Variants in MLN observed in about 807,000 individuals in gnomAD.
The protein encoded by MLN is motilin, also known as promotilin.
In MLN, 14 loss-of-function variants were observed where a neutral mutation model predicts 13.3. The observed-to-expected ratio is 1.05, with a 90% confidence interval of 0.69 to 1.64. The LOEUF is 1.64. Ranked by LOEUF, MLN falls within the 40% of genes most tolerant of loss-of-function variation. The pLI is 0.00. For missense variants in MLN, 122 were observed against 142.9 expected, an observed-to-expected ratio of 0.85 and a Z score of 0.75; for synonymous variants, 59 against 54.7, an observed-to-expected ratio of 1.08 and a Z score of -0.34.
rs942205350 is a variant in MLN, at chr6:33,799,310, G to A, written c.118-89C>T. On this transcript the variant is annotated intron_variant, in intron 2 of 4. Coordinates refer to ENST00000430124, the MANE Select transcript of MLN (RefSeq NM_002418.3). This position sits in a 1 kb window ranked among gnomAD's most constrained non-coding sequence, Gnocchi z 4.6. The stretch of plus-strand genomic sequence containing the variant: ...CCTGTCTCCATCTGCCCAGGGTGCT[G>A]TCTGCCCTGAGCTCCCTACAGACTG... 1.1e-6 allele frequency: 1 copy of A among 902,708 alleles called. No homozygotes were observed. Among genetic ancestry groups the A allele is most frequent in the African/African-American group, 1.6e-5 (1 of 60,618 alleles). The allele number at this position is 902,708 out of a possible 1,614,324, so 55.9% of individuals were successfully genotyped here. A position where few individuals can be genotyped will look rare whatever the true frequency, so the allele number is the denominator to read the frequency against.
Position 33,799,161 on chromosome 6 carries a change from C to G in MLN, c.178G>C (p.Glu60Gln). Residue 60 changes from glutamate (E) to glutamine (Q), a missense_variant, in exon 3 of 5, where the codon GAA becomes CAA. Glu to Gln is a conservative substitution (Grantham distance 29). Coordinates refer to ENST00000430124, the MANE Select transcript of MLN (RefSeq NM_002418.3). The surrounding 1 kb of genome is among the most constrained non-coding windows in gnomAD (Gnocchi z 4.6). ...GGCTCCGCAGGGTCTACAGGACCTTCCTCCCCAGACCTCTGCCATACACTC... is the reference window on the plus strand; with the variant it reads ...GGCTCCGCAGGGTCTACAGGACCTTGCTCCCCAGACCTCTGCCATACACTC... ...SLSVWQRSGEEGPVDPAEPIR... is the reference protein window; with the variant it reads ...SLSVWQRSGEQGPVDPAEPIR... 8 of 1,613,076 alleles carry G rather than the reference C, an allele frequency of 5.0e-6. No individual in the cohort carries two copies. Among genetic ancestry groups the G allele is most frequent in the Non-Finnish European group, 6.8e-6 (8 of 1,179,272 alleles).
chr6:33,796,944 G>A (rs1321306625), intron 3 of MLN, among the ~76,000 whole-genome samples: 1 of 152,226 alleles, frequency 6.6e-6, no homozygotes, highest in Non-Finnish European at 1.5e-5. Flanking sequence ...GCTGCATTTA[G>A]GAGGTGATTC....
chr6:33,795,491 C>T lies in MLN; in HGVS notation c.337+12G>A. 6.4e-7 allele frequency: 1 copy of T among 1,552,538 alleles called. No individual in the cohort carries two copies. Among genetic ancestry groups the T allele is most frequent in the African/African-American group, 1.4e-5 (1 of 73,576 alleles). On this transcript the variant is annotated intron_variant, in intron 4 of 4. Coordinates refer to ENST00000430124, the MANE Select transcript of MLN (RefSeq NM_002418.3). Reference sequence around the variant, plus strand: ...GCCGGCCAAGCCACAGAGATGCCCGCCCTCCCCGTACCATGCTGGGGAAGC... The same window carrying T: ...GCCGGCCAAGCCACAGAGATGCCCGTCCTCCCCGTACCATGCTGGGGAAGC...
intron 4 of MLN, among the ~76,000 whole-genome samples, 188 bp from the exon 5 acceptor site, chr6:33,795,023 T>C (rs1767876536): frequency 6.6e-6 from 1 of 152,172 alleles, no homozygotes; most frequent in Non-Finnish European, 1.5e-5. Flanking sequence ...CCTCCCAGTT[T>C]CTCCATCACT....
intron 1 of MLN, among the ~76,000 whole-genome samples, chr6:33,802,522 A>G (rs1760866064): frequency 6.6e-6 from 1 of 152,054 alleles, no homozygotes; most frequent in Non-Finnish European, 1.5e-5. Context: ...CTCAGCCAAG[A>G]CCTGTCTCCT....
At chr6:33,801,914 G>A (rs996938245) in intron 1 of MLN, among the ~76,000 whole-genome samples, 4 of 152,246 alleles carry the variant, frequency 2.6e-5, no homozygotes, top group Non-Finnish European at 4.4e-5. Flanking sequence ...GCAGGTATGT[G>A]TGGAATGGCT....
chr6:33,801,872 C>T (rs1223818192), intron 1 of MLN, among the ~76,000 whole-genome samples: 8 of 152,256 alleles, frequency 5.3e-5, no homozygotes, highest in Admixed American at 5.2e-4. Flanking sequence ...TCTTTCCTCA[C>T]ACCCTGGAAC....
chr6:33,795,549 G>A lies in MLN; in HGVS notation c.291C>T (p.Tyr97=), dbSNP rs1767894617. Residue 97 remains tyrosine, a synonymous_variant, in exon 4 of 5, where the codon TAC becomes TAT. Transcript: ENST00000430124. ...TCAGCAGCCCTTCCAGGGTGGCCGGGTACTTTTCCAGCTGTCTGGAGTTCA... is the reference window on the plus strand; with the variant it reads ...TCAGCAGCCCTTCCAGGGTGGCCGGATACTTTTCCAGCTGTCTGGAGTTCA... The part of the protein sequence containing the change: ...MRMNSRQLEK[Y]PATLEGLLSE... The A allele has an allele frequency of 6.4e-7, 1 of 1,567,750 alleles. No individual in the cohort carries two copies. The highest frequency in any genetic ancestry group is 8.7e-7 in the Non-Finnish European group (1 of 1,154,720).
chr6:33,795,374 A>T lies in MLN; in HGVS notation c.337+129T>A, dbSNP rs376698950. 1.5e-3 allele frequency: 1,086 copies of T among 723,746 alleles called. 18 individuals carry two copies. In the South Asian group the frequency reaches 0.017, roughly 11 times the overall value. The allele number at this position is 723,746 out of a possible 1,614,324, so 44.8% of individuals were successfully genotyped here. On this transcript the variant is annotated intron_variant, in intron 4 of 4. Coordinates refer to ENST00000430124, the MANE Select transcript of MLN (RefSeq NM_002418.3). ...AGGTATCACAGCATAGCCCAGGGAG[A>T]AGACGGCTCCACATTCTCAAGTGCA...
chr6:33,798,821 C>G (rs966106146), intron 3 of MLN, among the ~76,000 whole-genome samples: 5 of 152,200 alleles, frequency 3.3e-5, no homozygotes, highest in African/African-American at 9.6e-5. Flanking sequence ...GTCACCTCCT[C>G]CAAGAGGCCT....
intron 3 of MLN, among the ~76,000 whole-genome samples, chr6:33,798,174 T>C (rs1180058021): frequency 6.6e-6 from 1 of 152,142 alleles, no homozygotes; most frequent in Non-Finnish European, 1.5e-5. Context: ...ATAGCACATG[T>C]CATTGCCTGC....
chr6:33,796,469 T>G (rs1767925711), intron 3 of MLN, among the ~76,000 whole-genome samples: 5 of 152,204 alleles, frequency 3.3e-5, no homozygotes, highest in Admixed American at 3.3e-4. Context: ...GGGCGCTGAT[T>G]GATCTCCCCG....
chr6:33,797,021 T>C (rs544351701), intron 3 of MLN, among the ~76,000 whole-genome samples: 3 of 152,046 alleles, frequency 2.0e-5, no homozygotes, highest in Non-Finnish European at 4.4e-5. Flanking sequence ...GCCCAGGGAG[T>C]TCGGAGTGGA....
chr6:33,801,038 G>C lies in MLN; in HGVS notation c.117+9C>G. The C allele has an allele frequency of 6.3e-7, 1 of 1,598,870 alleles. No homozygotes were observed. The highest frequency in any genetic ancestry group is 1.1e-5 in the South Asian group (1 of 90,718). ...CTTGCTAGCAGGGCAGGCAGCAGGG[G>C]GTTCTTACCTGCATCCTCTGGAGTT... On this transcript the variant is annotated intron_variant, in intron 2 of 4. Transcript: ENST00000430124.
chr6:33,803,330 TGGA>T lies in MLN; in HGVS notation c.-8+620_-8+622del, dbSNP rs1760897984. ...TTCTTTTTTTTTTTTTTTTCTGAGA[TGGA>T]GTCTCGCTCTGTCTCCCAGGCTAGA... On this transcript the variant is annotated intron_variant, in intron 1 of 4. Transcript: ENST00000430124. The surrounding 1 kb of genome is among the most constrained non-coding windows in gnomAD (Gnocchi z 4.5). Among the ~76,000 whole-genome samples, 1 of 144,492 alleles carries T rather than the reference TGGA, an allele frequency of 6.9e-6. No homozygotes were observed. The highest frequency in any genetic ancestry group is 1.5e-5 in the Non-Finnish European group (1 of 66,066). 94.8% of individuals were successfully genotyped at this position (144,492 alleles called of 152,430 possible). A position where few individuals can be genotyped will look rare whatever the true frequency, so the allele number is the denominator to read the frequency against.
Position 33,801,171 on chromosome 6 carries a change from C to G in MLN, c.-7-1G>C. On this transcript the variant is annotated splice_acceptor_variant, in intron 1 of 4. Transcript: ENST00000430124. LOFTEE classifies it low-confidence loss of function (5UTR_SPLICE). ...AGCCTTACGGGATACCATCTTGGAGCTGGACAATGACAAGGAGCTCTTGTC... is the reference window on the plus strand; with the variant it reads ...AGCCTTACGGGATACCATCTTGGAGGTGGACAATGACAAGGAGCTCTTGTC... The G allele has an allele frequency of 6.2e-7, 1 of 1,608,308 alleles. No homozygotes were observed. The highest frequency in any genetic ancestry group is 1.7e-4 in the Middle Eastern group (1 of 6,056).
chr6:33,796,232 TG>T (rs1767921030), intron 3 of MLN, among the ~76,000 whole-genome samples: 1 of 152,194 alleles, frequency 6.6e-6, no homozygotes, highest in Non-Finnish European at 1.5e-5. Context: ...AATAGCTCTG[TG>T]GGGTAGGGAT....
chr6:33,799,046 G>A lies in MLN; in HGVS notation c.234+59C>T. On this transcript the variant is annotated intron_variant, in intron 3 of 4. Coordinates refer to ENST00000430124, the MANE Select transcript of MLN (RefSeq NM_002418.3). The surrounding 1 kb of genome is among the most constrained non-coding windows in gnomAD (Gnocchi z 4.6). ...GCTTGTGGGCTCTGCCTCCAGGCCA[G>A]GCAGGGGAATGCATGCCCTGCTCTG... The A allele has an allele frequency of 8.1e-7, 1 of 1,232,848 alleles. No homozygotes were observed. Among genetic ancestry groups the A allele is most frequent in the South Asian group, 1.3e-5 (1 of 77,064 alleles). 76.4% of individuals were successfully genotyped at this position (1,232,848 alleles called of 1,614,324 possible).
At position 33,799,067 on chromosome 6, in the gene MLN, C is replaced by A. The variant is rs1314879817; in HGVS notation, c.234+38G>T. 16 of 1,453,628 alleles carry A rather than the reference C, an allele frequency of 1.1e-5. No homozygotes were observed. Among genetic ancestry groups the A allele is most frequent in the Non-Finnish European group, 1.5e-5 (16 of 1,039,356 alleles). The allele number at this position is 1,453,628 out of a possible 1,614,324, so 90.0% of individuals were successfully genotyped here. ...GCCAGGCAGGGGAATGCATGCCCTG[C>A]TCTGAGTTTCTCTCCTTTGTCCCAG... On this transcript the variant is annotated intron_variant, in intron 3 of 4. Coordinates refer to ENST00000430124, the MANE Select transcript of MLN (RefSeq NM_002418.3). This position sits in a 1 kb window ranked among gnomAD's most constrained non-coding sequence, Gnocchi z 4.6.
Sources: gnomAD v4.1 joint callset for allele counts (sites outside exome capture counted in the v4.1 genomes callset) on GRCh38, gnomAD v4.1.1 for gene constraint, Gnocchi (gnomAD v3.1) non-coding constraint, MANE v1.5 for transcripts, NCBI Gene and HGNC (gene_info 2026-07-23, HGNC 2026-07-21) for gene names.